Variants in DOCK2 observed in about 807,000 individuals in gnomAD.
DOCK2 encodes the protein dedicator of cytokinesis 2.
A neutral mutation model predicts 248.9 loss-of-function variants in DOCK2; 87 were observed. The ratio of observed to expected loss-of-function variants is 0.35; its 90% CI spans 0.29 to 0.42. DOCK2 has a LOEUF of 0.42. Among genes scored for constraint, DOCK2 ranks in the 10% least tolerant of loss-of-function variants. DOCK2 has a pLI of 1.00. For missense variants in DOCK2, 1,747 were observed against 2,300.2 expected (o/e 0.76, Z 4.92); for synonymous variants, 805 against 821.6 (o/e 0.98, Z 0.35).
At chr5:170,012,079 A>T (rs1264057287) in intron 32 of DOCK2, among the ~76,000 whole-genome samples, 1 of 152,234 alleles carries the variant, frequency 6.6e-6, no homozygotes, top group Non-Finnish European at 1.5e-5. Flanking sequence ...GCAGAAGGAC[A>T]TTCCTAAGGT....
In DOCK2 at chr5:169,841,796, C is replaced by A. The variant is rs199792032; in HGVS notation, c.2799+944C>A. ...CTAATTACGTATAATCGGAAATATACATTATCTTATTTGGTTATTGTCTAG... is the reference window on the plus strand; with the variant it reads ...CTAATTACGTATAATCGGAAATATAAATTATCTTATTTGGTTATTGTCTAG... On this transcript the variant is annotated intron_variant, in intron 27 of 51. Transcript: ENST00000520908. Among the ~76,000 whole-genome samples, 29 of 152,266 alleles carry A rather than the reference C, an allele frequency of 1.9e-4. 1 individual carries two copies. In the East Asian group the frequency reaches 5.4e-3, roughly 28 times the overall value.
intron 2 of DOCK2, among the ~76,000 whole-genome samples, chr5:169,667,884 A>T (rs774831877): frequency 1.3e-5 from 2 of 152,262 alleles, no homozygotes; most frequent in Non-Finnish European, 2.9e-5. Flanking sequence ...ATAGAATGTG[A>T]TGCTTCATGA....
intron 48 of DOCK2, among the ~76,000 whole-genome samples, chr5:170,078,250 C>G (rs1222113934): frequency 6.6e-6 from 1 of 152,194 alleles, no homozygotes; most frequent in Non-Finnish European, 1.5e-5. Context: ...TCCTCCTGCA[C>G]CACCTACCCA....
At chr5:169,680,343 C>T (rs1376727365) in intron 6 of DOCK2, among the ~76,000 whole-genome samples, 1 of 152,172 alleles carries the variant, frequency 6.6e-6, no homozygotes, top group African/African-American at 2.4e-5. Context: ...TGTGAGTTTG[C>T]TGCTATTAGT....
In DOCK2 at chr5:170,008,543, A is replaced by G; in HGVS notation, c.3119A>G (p.Asp1040Gly). The change falls in exon 31 of 52, where the codon GAT becomes GGT. Residue 1040 changes from aspartate (D) to glycine (G), a missense_variant. By Grantham distance (94) the Asp-to-Gly change is moderately conservative. Coordinates refer to ENST00000520908, the MANE Select transcript of DOCK2 (RefSeq NM_004946.3). Reference protein sequence around the residue: ...FHLAVAFITQDSLQLEQFSHA... With the variant: ...FHLAVAFITQGSLQLEQFSHA... ...CTGGCAGTGGCTTTTATCACCCAGGATTCTCTGCAGCTGGAGCAGTTCTCA... is the reference window on the plus strand; with the variant it reads ...CTGGCAGTGGCTTTTATCACCCAGGGTTCTCTGCAGCTGGAGCAGTTCTCA... 1.9e-6 allele frequency: 3 copies of G among 1,614,084 alleles called. No homozygotes were observed. The highest frequency in any genetic ancestry group is 2.5e-6 in the Non-Finnish European group (3 of 1,179,982).
chr5:169,823,536 T>C (rs1768624573), intron 26 of DOCK2, among the ~76,000 whole-genome samples: 1 of 152,158 alleles, frequency 6.6e-6, no homozygotes, highest in African/African-American at 2.4e-5. Flanking sequence ...ACTGTCTCAA[T>C]AGATGCAGAA....
At chr5:169,731,513 T>G (rs1169898461) in intron 22 of DOCK2, among the ~76,000 whole-genome samples, 4 of 152,120 alleles carry the variant, frequency 2.6e-5, no homozygotes, top group Admixed American at 1.3e-4. Flanking sequence ...CCATTAAACC[T>G]CTTTCTTTTG....
intron 27 of DOCK2, among the ~76,000 whole-genome samples, chr5:169,929,693 G>C (rs945305806): frequency 4.8e-5 from 7 of 146,108 alleles, no homozygotes; most frequent in Non-Finnish European, 1.0e-4. Flanking sequence ...AGTGAGCCAA[G>C]AGGGGATCAC....
intron 14 of DOCK2, among the ~76,000 whole-genome samples, chr5:169,707,486 T>C (rs1761337905): frequency 6.6e-6 from 1 of 152,234 alleles, no homozygotes; most frequent in Admixed American, 6.5e-5. Context: ...TGTCATCACG[T>C]TGCCTTGCTG....
At chr5:169,998,003 G>C (rs938157584) in intron 30 of DOCK2, 10 of 456,162 alleles carry the variant, frequency 2.2e-5, no homozygotes, top group African/African-American at 4.0e-5. Context: ...TGTGACGAAG[G>C]GCTTGCTGGA....
chr5:169,702,654 C>A, intron 14 of DOCK2: 2 of 397,084 alleles, frequency 5.0e-6, no homozygotes, highest in Non-Finnish European at 4.4e-6. Flanking sequence ...CTGTTCCTTT[C>A]CTTTCACAAC....
intron 25 of DOCK2, among the ~76,000 whole-genome samples, chr5:169,785,051 C>T (rs776413456): frequency 1.2e-4 from 18 of 152,024 alleles, no homozygotes; most frequent in Non-Finnish European, 2.2e-4. Context: ...TTTTATGGAG[C>T]AGTCAGAAAA....
rs554082477 is a variant in DOCK2, at chr5:169,891,707, G to A, written c.2799+50855G>A. 5.7e-4 allele frequency among the ~76,000 whole-genome samples: 87 copies of A among 152,192 alleles called. 1 individual carries two copies. Among genetic ancestry groups the A allele is most frequent in the African/African-American group, 1.9e-3 (79 of 41,548 alleles). On this transcript the variant is annotated intron_variant, in intron 27 of 51. Coordinates refer to ENST00000520908, the MANE Select transcript of DOCK2 (RefSeq NM_004946.3). ...TGCTTCAAAAAGAACAAAGTCAGCC[G>A]GGCACGGTGGTTCACACCCATAATC...
In DOCK2 at chr5:170,082,832, C is replaced by G. The variant is rs1758081065; in HGVS notation, c.5467C>G (p.Pro1823Ala). The G allele has an allele frequency of 6.2e-7, 1 of 1,614,048 alleles. No individual in the cohort carries two copies. The highest frequency in any genetic ancestry group is 8.5e-7 in the Non-Finnish European group (1 of 1,180,036). Residue 1823 changes from proline to alanine, a missense_variant, in exon 52 of 52, where the codon CCA (proline) becomes GCA (alanine). By Grantham distance (27) the Pro-to-Ala change is conservative. Coordinates refer to ENST00000520908, the MANE Select transcript of DOCK2 (RefSeq NM_004946.3). Reference sequence around the variant, plus strand: ...ATCGGCTGAAGAAGGCAAACAGATCCCAGACTCGCTGTCCACGGACCTGTG... The same window carrying G: ...ATCGGCTGAAGAAGGCAAACAGATCGCAGACTCGCTGTCCACGGACCTGTG... ...SKSAEEGKQIPDSLSTDL is the reference protein window; with the variant it reads ...SKSAEEGKQIADSLSTDL
chr5:170,005,383 A>G (rs1561876438), intron 30 of DOCK2, among the ~76,000 whole-genome samples: 1 of 152,222 alleles, frequency 6.6e-6, no homozygotes, highest in Non-Finnish European at 1.5e-5. Context: ...CATTAGGGAT[A>G]CAATGAAATG....
intron 1 of DOCK2, among the ~76,000 whole-genome samples, chr5:169,639,128 G>A (rs1044368079): frequency 1.1e-4 from 16 of 152,184 alleles, no homozygotes; most frequent in African/African-American, 2.9e-4. Context: ...AGTGTCATCT[G>A]GAAGAAGTTA....
At chr5:169,880,065 A>C (rs1207554710) in intron 27 of DOCK2, among the ~76,000 whole-genome samples, 1 of 152,192 alleles carries the variant, frequency 6.6e-6, no homozygotes, top group African/African-American at 2.4e-5. Context: ...TTCAAGTTAG[A>C]AGATATAAAA....
intron 23 of DOCK2, among the ~76,000 whole-genome samples, chr5:169,756,422 C>A (rs1204921807): frequency 6.6e-6 from 1 of 152,100 alleles, no homozygotes; most frequent in South Asian, 2.1e-4. Flanking sequence ...ATGATGAGTA[C>A]GCGTTATAAT....
At chr5:169,980,731 T>A (rs907223960) in intron 27 of DOCK2, 2 of 152,192 alleles carry the variant, frequency 1.3e-5, no homozygotes, top group Non-Finnish European at 2.9e-5. Context: ...TGGGAGCTGG[T>A]TAAATTAGCA....
Sources: gnomAD v4.1 joint callset for allele counts (sites outside exome capture counted in the v4.1 genomes callset) on GRCh38, gnomAD v4.1.1 for gene constraint, MANE v1.5 for transcripts, NCBI Gene and HGNC (gene_info 2026-07-23, HGNC 2026-07-21) for gene names.